The following KSR2 variants were observed in gnomAD, a reference collection of about 807,000 sequenced individuals.
KSR2 encodes the protein kinase suppressor of ras 2.
A neutral mutation model predicts 107.8 loss-of-function variants in KSR2; 25 were observed. The ratio of observed to expected loss-of-function variants is 0.23; its 90% confidence interval spans 0.17 to 0.32. The LOEUF (loss-of-function observed/expected upper bound fraction) is 0.32, where lower values mean the gene tolerates loss of function less well. KSR2 is among the 10% of genes least tolerant of loss of function. The pLI is 1.00. For missense variants in KSR2, 887 were observed against 1,268.9 expected, an observed-to-expected ratio of 0.70 and a Z score of 4.57; for synonymous variants, 480 against 507.0, an observed-to-expected ratio of 0.95 and a Z score of 0.71.
intron 3 of KSR2, among the ~76,000 whole-genome samples, chr12:117,853,633 T>G (rs1892999002): frequency 6.6e-6 from 1 of 152,052 alleles, no homozygotes; most frequent in African/African-American, 2.4e-5. Flanking sequence ...TGAGCCACCA[T>G]GCCTAGCCTG....
chr12:117,762,174 G>A (rs1455896425), intron 3 of KSR2, among the ~76,000 whole-genome samples: 2 of 152,174 alleles, frequency 1.3e-5, no homozygotes, highest in Non-Finnish European at 2.9e-5. Flanking sequence ...AACTTCCCAA[G>A]GTCCCAGTTC....
intron 5 of KSR2, among the ~76,000 whole-genome samples, chr12:117,651,869 A>T (rs1185821952): frequency 6.6e-6 from 1 of 152,210 alleles, no homozygotes; most frequent in African/African-American, 2.4e-5. Flanking sequence ...TGTATGTCAG[A>T]TCTAATGGTA....
intron 1 of KSR2, among the ~76,000 whole-genome samples, chr12:117,909,706 C>T (rs1012637484): frequency 1.3e-5 from 2 of 151,492 alleles, no homozygotes; most frequent in African/African-American, 4.9e-5. Context: ...AGTTCAAGAC[C>T]AGCCTGGCCA....
At chr12:117,576,160 G>A (rs990622192) in intron 7 of KSR2, among the ~76,000 whole-genome samples, 2 of 152,098 alleles carry the variant, frequency 1.3e-5, no homozygotes, top group Non-Finnish European at 2.9e-5. Context: ...AAATTAAAAC[G>A]GCTTGGGAAG....
chr12:117,641,961 A>G (rs1593083255), intron 5 of KSR2, among the ~76,000 whole-genome samples: 1 of 152,132 alleles, frequency 6.6e-6, no homozygotes, highest in African/African-American at 2.4e-5. Context: ...TGTTCCTGAA[A>G]CCTGCCAAGC....
At chr12:117,521,458 T>C (rs1477197344) in intron 14 of KSR2, among the ~76,000 whole-genome samples, 3 of 152,214 alleles carry the variant, frequency 2.0e-5, no homozygotes, top group Admixed American at 1.3e-4. Context: ...GTTTTTAACA[T>C]GAGTGATTGC....
At chr12:117,679,160 G>A (rs1885263325) in intron 4 of KSR2, among the ~76,000 whole-genome samples, 1 of 152,100 alleles carries the variant, frequency 6.6e-6, no homozygotes, top group Admixed American at 6.5e-5. Context: ...TATCCTTAAA[G>A]GCTGAACTCA....
intron 1 of KSR2, among the ~76,000 whole-genome samples, chr12:117,924,589 A>G (rs1047980222): frequency 1.3e-5 from 2 of 150,216 alleles, no homozygotes; most frequent in African/African-American, 4.9e-5. Context: ...AAAAAAAAAA[A>G]AAAAAAAGAA....
chr12:117,870,606 G>T (rs2723276), intron 1 of KSR2, among the ~76,000 whole-genome samples: 4 of 151,480 alleles, frequency 2.6e-5, no homozygotes, highest in African/African-American at 4.9e-5. Flanking sequence ...GTCTCAAAAA[G>T]AAAAGAAAAG....
intron 4 of KSR2, among the ~76,000 whole-genome samples, chr12:117,675,575 C>A (rs1245135082): frequency 6.6e-6 from 1 of 152,250 alleles, no homozygotes; most frequent in Non-Finnish European, 1.5e-5. Flanking sequence ...CCTCTCCCAG[C>A]TTTCATCACA....
intron 5 of KSR2, among the ~76,000 whole-genome samples, chr12:117,633,751 A>G (rs1882919162): frequency 6.6e-6 from 1 of 152,170 alleles, no homozygotes; most frequent in South Asian, 2.1e-4. Flanking sequence ...TCGCATCTGC[A>G]AAGACCCTAT....
chr12:117,774,798 T>C (rs1889627410), intron 3 of KSR2, among the ~76,000 whole-genome samples: 1 of 152,100 alleles, frequency 6.6e-6, no homozygotes, highest in African/African-American at 2.4e-5. Context: ...GAAAACCCTG[T>C]CCCCATTCGC....
chr12:117,762,470 C>T (rs1178316620), intron 3 of KSR2, among the ~76,000 whole-genome samples: 2 of 152,232 alleles, frequency 1.3e-5, no homozygotes, highest in Non-Finnish European at 2.9e-5. Context: ...CCTGGACTTA[C>T]ATTCTGCCAA....
chr12:117,908,641 G>A (rs1186404769), intron 1 of KSR2, among the ~76,000 whole-genome samples: 1 of 152,178 alleles, frequency 6.6e-6, no homozygotes, highest in Admixed American at 6.6e-5. Flanking sequence ...TGCATTGCAT[G>A]TGAAATCATA....
intron 1 of KSR2, among the ~76,000 whole-genome samples, chr12:117,943,801 C>T (rs1268969802): frequency 6.6e-6 from 1 of 152,130 alleles, no homozygotes; most frequent in African/African-American, 2.4e-5. Flanking sequence ...TGGGAGGGAC[C>T]CAGTGGGAAA....
intron 4 of KSR2, among the ~76,000 whole-genome samples, chr12:117,692,989 C>T (rs1885895471): frequency 6.6e-6 from 1 of 152,156 alleles, no homozygotes; most frequent in African/African-American, 2.4e-5. Context: ...GGTGGTTGTG[C>T]AACACTGTGA....
chr12:117,929,578 T>C (rs772931253), intron 1 of KSR2, among the ~76,000 whole-genome samples: 27 of 152,176 alleles, frequency 1.8e-4, no homozygotes, highest in Admixed American at 6.5e-5. Flanking sequence ...CAAGCATTAT[T>C]CACAATAGTC....
At chr12:117,910,763 T>C (rs1894986690) in intron 1 of KSR2, among the ~76,000 whole-genome samples, 2 of 152,200 alleles carry the variant, frequency 1.3e-5, no homozygotes, top group African/African-American at 4.8e-5. Context: ...TTTGTTTGAA[T>C]GTCAGTTTAG....
chr12:117,496,082 G>A (rs1159629781), intron 14 of KSR2, among the ~76,000 whole-genome samples: 1 of 149,604 alleles, frequency 6.7e-6, no homozygotes, highest in Non-Finnish European at 1.5e-5. Context: ...AGAGGTCAGA[G>A]TCTGGCTGCT....
Sources: allele counts gnomAD v4.1 joint callset (sites outside exome capture counted in the v4.1 genomes callset), GRCh38; gene constraint gnomAD v4.1.1; transcripts MANE v1.5; gene names NCBI Gene and HGNC (gene_info 2026-07-23, HGNC 2026-07-21).